ANO2: variants seen among roughly 807,000 people sequenced by gnomAD.
The protein encoded by ANO2 is anoctamin-2.
In ANO2, 101 loss-of-function variants were observed where a neutral mutation model predicts 124.2. The ratio of observed to expected loss-of-function variants is 0.81; its 90% CI spans 0.69 to 0.96. The LOEUF (loss-of-function observed/expected upper bound fraction) is 0.96. Among genes scored for constraint, ANO2 ranks in the 40% least tolerant of loss-of-function variants. The probability of loss-of-function intolerance (pLI) is 0.00; values close to 1 mark genes in which losing one functional copy is unlikely to be tolerated. For synonymous variants in ANO2, 486 were observed against 482.5 expected (o/e 1.01, Z -0.09); for missense variants, 1,293 against 1,274.5 (o/e 1.01, Z -0.22).
intron 4 of ANO2, chr12:5,836,759 G>A (rs1384493264): frequency 6.5e-6 from 1 of 154,404 alleles, no homozygotes; most frequent in Admixed American, 6.5e-5. Context: ...TTCACACTGA[G>A]GTCTCGTGTT....
At chr12:5,922,596 A>ACC in intron 2 of ANO2, 24 bp downstream of exon 2, 79 of 789,706 alleles carry the variant, frequency 1.0e-4, no homozygotes, top group Non-Finnish European at 1.4e-4. Context: ...CTATCCCCCC[A>ACC]CCCCACCCCC....
chr12:5,918,644 T>C (rs767183580), intron 3 of ANO2, among the ~76,000 whole-genome samples: 3 of 152,072 alleles, frequency 2.0e-5, no homozygotes, highest in Non-Finnish European at 4.4e-5. Context: ...TTTCACCATA[T>C]TGGCCAGGCT....
At chr12:5,693,085 G>A (rs1278193944) in intron 14 of ANO2, among the ~76,000 whole-genome samples, 1 of 152,026 alleles carries the variant, frequency 6.6e-6, no homozygotes, top group Non-Finnish European at 1.5e-5. Context: ...CAGACATAGG[G>A]TTCATTTAGG....
chr12:5,795,473 CAGTGAA>C (rs1952818549), intron 10 of ANO2, among the ~76,000 whole-genome samples: 1 of 152,162 alleles, frequency 6.6e-6, no homozygotes, highest in East Asian at 1.9e-4. Flanking sequence ...TGGTTTGGTA[CAGTGAA>C]GCTCCCCATC....
chr12:5,905,820 A>G (rs1591772859), intron 3 of ANO2, among the ~76,000 whole-genome samples: 1 of 152,044 alleles, frequency 6.6e-6, no homozygotes, highest in Admixed American at 6.5e-5. Context: ...CCAGGGCTCA[A>G]CCTCTTTCCC....
chr12:5,701,835 G>A (rs1949416040), intron 14 of ANO2, among the ~76,000 whole-genome samples: 1 of 152,056 alleles, frequency 6.6e-6, no homozygotes, highest in Admixed American at 6.6e-5. Context: ...CATTTTTCAA[G>A]GACCAACTAA....
intron 7 of ANO2, among the ~76,000 whole-genome samples, chr12:5,824,104 G>T (rs1321566096): frequency 6.6e-6 from 1 of 152,188 alleles, no homozygotes; most frequent in Non-Finnish European, 1.5e-5. Context: ...CTCTGGGTCT[G>T]TGATGGGAGA....
At chr12:5,842,848 G>C (rs909738115) in intron 4 of ANO2, among the ~76,000 whole-genome samples, 6 of 152,124 alleles carry the variant, frequency 3.9e-5, no homozygotes, top group African/African-American at 1.4e-4. Context: ...TTCCTCACAG[G>C]AACTGCAGCA....
rs577400701 is a variant in ANO2 at position 5,761,892 on chromosome 12, C to T, written c.1056-10922G>A. ...AAAATATGTATTTAACTTCAGAGTT[C>T]TTGCTTTGGCAATAATTGTCTCACA... On this transcript the variant is annotated intron_variant, in intron 10 of 24. Transcript: ENST00000682330. Among the ~76,000 whole-genome samples the T allele has an allele frequency of 1.2e-4, 19 of 152,200 alleles. No individual in the cohort carries two copies. The South Asian group carries it at 3.9e-3, about 31-fold the overall frequency.
chr12:5,869,647 C>T (rs898499424), intron 3 of ANO2, among the ~76,000 whole-genome samples: 18 of 152,196 alleles, frequency 1.2e-4, no homozygotes, highest in Non-Finnish European at 8.8e-5. Flanking sequence ...CAGGCCAGGA[C>T]ACAAACCAGA....
chr12:5,601,793 T>C (rs1039943360), intron 19 of ANO2, among the ~76,000 whole-genome samples: 4 of 152,208 alleles, frequency 2.6e-5, no homozygotes, highest in Non-Finnish European at 5.9e-5. Flanking sequence ...AAAATAGTCA[T>C]GAATATAGTA....
intron 3 of ANO2, among the ~76,000 whole-genome samples, chr12:5,897,437 T>C (rs970793914): frequency 3.8e-4 from 58 of 151,994 alleles, no homozygotes; most frequent in African/African-American, 1.4e-3. Context: ...CAGATTGGAG[T>C]AGGCTGAGTG....
rs1381706813 is a variant in ANO2 at position 5,925,336 on chromosome 12, A to G, written c.23-2532T>C. Reference sequence around the variant, plus strand: ...TTTGAGGCTGACATTCAGGGCCCTCACTAGCCATCGCAGTTGCTCCCCCGG... The same window carrying G: ...TTTGAGGCTGACATTCAGGGCCCTCGCTAGCCATCGCAGTTGCTCCCCCGG... On this transcript the variant is annotated intron_variant, in intron 1 of 24. Transcript: ENST00000682330. The surrounding 1 kb of genome is among the most constrained non-coding windows in gnomAD (Gnocchi z 4.6). Among the ~76,000 whole-genome samples the G allele has an allele frequency of 6.6e-6, 1 of 152,190 alleles. No individual in the cohort carries two copies. Among genetic ancestry groups the G allele is most frequent in the Non-Finnish European group, 1.5e-5 (1 of 68,034 alleles).
chr12:5,745,912 G>A (rs981901402), intron 11 of ANO2, among the ~76,000 whole-genome samples: 6 of 152,222 alleles, frequency 3.9e-5, no homozygotes, highest in African/African-American at 1.4e-4. Context: ...ACCTGTGTTT[G>A]CTATGTAGTT....
intron 14 of ANO2, among the ~76,000 whole-genome samples, chr12:5,671,918 T>C (rs1382389018): frequency 6.6e-6 from 1 of 152,166 alleles, no homozygotes; most frequent in Non-Finnish European, 1.5e-5. Flanking sequence ...CAAACCAGAA[T>C]ACACCAGGGA....
At chr12:5,871,998 T>C (rs1302765811) in intron 3 of ANO2, among the ~76,000 whole-genome samples, 1 of 152,200 alleles carries the variant, frequency 6.6e-6, no homozygotes, top group African/African-American at 2.4e-5. Context: ...ACTGGAAATG[T>C]ACAATCTTCT....
chr12:5,616,802 T>C (rs1218875991), intron 16 of ANO2, among the ~76,000 whole-genome samples: 2 of 152,180 alleles, frequency 1.3e-5, no homozygotes, highest in African/African-American at 2.4e-5. Flanking sequence ...CTTTAATATA[T>C]AGGTGAGTTA....
At chr12:5,945,840 G>A (rs183438528), upstream of ANO2, among the ~76,000 whole-genome samples, 111 of 152,256 alleles carry the variant, frequency 7.3e-4, no homozygotes, top group African/African-American at 2.5e-3. Flanking sequence ...AAAACAGGAG[G>A]GGCTGCCAGA....
chr12:5,574,638 C>G, intron 23 of ANO2, among the ~76,000 whole-genome samples: 1 of 152,294 alleles, frequency 6.6e-6, no homozygotes, highest in East Asian at 1.9e-4. Context: ...CTTCTCCTCT[C>G]CTCTTAATTC....
Sources: gnomAD v4.1 joint callset for allele counts (sites outside exome capture counted in the v4.1 genomes callset) on GRCh38, gnomAD v4.1.1 for gene constraint, Gnocchi (gnomAD v3.1) non-coding constraint, MANE v1.5 for transcripts, NCBI Gene and HGNC (gene_info 2026-07-23, HGNC 2026-07-21) for gene names.